DIAPH2: variants seen among roughly 807,000 people sequenced by gnomAD.
DIAPH2 encodes the protein protein diaphanous homolog 2.
DIAPH2 carries 35 observed loss-of-function variants against 92.7 expected under a neutral mutation model. That is an observed-to-expected ratio of 0.38 (90% CI 0.29 to 0.50). The LOEUF (loss-of-function observed/expected upper bound fraction) is 0.50, where lower values mean the gene tolerates loss of function less well. Among genes scored for constraint, DIAPH2 ranks in the 20% least tolerant of loss-of-function variants. The probability of loss-of-function intolerance (pLI) is 0.94; values close to 1 mark genes in which losing one functional copy is unlikely to be tolerated. For synonymous variants in DIAPH2, 301 were observed against 280.4 expected (o/e 1.07, Z -0.73); for missense variants, 701 against 819.5 (o/e 0.86, Z 1.77).
intron 4 of DIAPH2, among the ~76,000 whole-genome samples, chrX:96,863,676 A>G (rs1462944429): frequency 2.7e-5 from 3 of 110,897 alleles, no homozygotes; most frequent in Non-Finnish European, 5.7e-5. Flanking sequence ...CATTAGGTAA[A>G]CATTTTTACC....
chrX:96,823,855 G>A (rs1460948722), intron 4 of DIAPH2, among the ~76,000 whole-genome samples: 2 of 108,756 alleles, frequency 1.8e-5, no homozygotes, highest in Non-Finnish European at 3.8e-5. Flanking sequence ...GTAAGCCACA[G>A]CAATTCTTTT....
rs2065132698 is a variant in DIAPH2, at chrX:96,870,397, G to A, written c.448-11182G>A. On this transcript the variant is annotated intron_variant, in intron 4 of 26. Transcript: ENST00000324765. Reference sequence around the variant, plus strand: ...CTGCCTCAGCCTCCCGAGTAGCTGGGACTACAGACGCCCATCACCATGCCC... The same window carrying A: ...CTGCCTCAGCCTCCCGAGTAGCTGGAACTACAGACGCCCATCACCATGCCC... Among the ~76,000 whole-genome samples, 3 of 108,238 alleles carry A rather than the reference G, an allele frequency of 2.8e-5. No homozygotes were observed. In the South Asian group the frequency reaches 1.2e-3, roughly 45 times the overall value. 94.0% of individuals were successfully genotyped at this position (108,238 alleles called of 115,157 possible). A position where few individuals can be genotyped will look rare whatever the true frequency, so the allele number is the denominator to read the frequency against.
At chrX:97,351,314 C>G (rs1171528313) in intron 24 of DIAPH2, among the ~76,000 whole-genome samples, 1 of 112,419 alleles carries the variant, frequency 8.9e-6, no homozygotes, top group Non-Finnish European at 1.9e-5. Context: ...TTTCCATTAA[C>G]TACTGAAAAC....
At chrX:96,774,435 A>G (rs1252969201) in intron 4 of DIAPH2, among the ~76,000 whole-genome samples, 1 of 111,958 alleles carries the variant, frequency 8.9e-6, no homozygotes, top group Non-Finnish European at 1.9e-5. Flanking sequence ...CCCATGGAAA[A>G]GCTGCTACAT....
intron 26 of DIAPH2, among the ~76,000 whole-genome samples, chrX:97,536,392 T>C (rs2071096089): frequency 8.9e-6 from 1 of 112,108 alleles, no homozygotes; most frequent in African/African-American, 3.2e-5. Flanking sequence ...TGAGTCAGCT[T>C]TTAAATTTTT....
intron 17 of DIAPH2, among the ~76,000 whole-genome samples, chrX:97,043,620 A>T (rs2066461616): frequency 9.0e-6 from 1 of 111,119 alleles, no homozygotes; most frequent in African/African-American, 3.3e-5. Context: ...TAATATTTAT[A>T]AAGTATTTTG....
chrX:96,937,011 C>A (rs1474292642), intron 10 of DIAPH2, among the ~76,000 whole-genome samples: 1 of 111,355 alleles, frequency 9.0e-6, no homozygotes, highest in Non-Finnish European at 1.9e-5. Flanking sequence ...TGTGAATAAT[C>A]AAAATGTAGG....
chrX:97,185,896 G>A (rs775043381), intron 22 of DIAPH2, among the ~76,000 whole-genome samples: 5 of 110,007 alleles, frequency 4.5e-5, no homozygotes, highest in South Asian at 7.8e-4. Context: ...TGAAGTATAG[G>A]TTCCCATCCT....
chrX:96,985,932 A>T (rs760137495), intron 17 of DIAPH2, among the ~76,000 whole-genome samples: 2 of 111,261 alleles, frequency 1.8e-5, no homozygotes, highest in Non-Finnish European at 3.8e-5. Context: ...CAGGCATGAC[A>T]GCATGCTTCT....
chrX:97,131,395 A>G (rs1304764018), intron 21 of DIAPH2, among the ~76,000 whole-genome samples: 2 of 111,675 alleles, frequency 1.8e-5, no homozygotes, highest in Non-Finnish European at 3.8e-5. Context: ...AAAGTTTTTC[A>G]TAAATAGCTA....
chrX:97,367,240 A>C (rs997824265), intron 24 of DIAPH2, among the ~76,000 whole-genome samples: 1 of 111,767 alleles, frequency 8.9e-6, no homozygotes, highest in African/African-American at 3.3e-5. Context: ...GATCATTAGC[A>C]CAATAAGGAA....
intron 21 of DIAPH2, among the ~76,000 whole-genome samples, chrX:97,115,759 A>T (rs952496958): frequency 3.6e-5 from 4 of 111,752 alleles, no homozygotes; most frequent in Non-Finnish European, 7.5e-5. Flanking sequence ...GGTAAAAAAG[A>T]AAATTGAATA....
At chrX:97,209,484 TCTGAATGAA>T (rs1458122681) in intron 22 of DIAPH2, among the ~76,000 whole-genome samples, 1 of 111,536 alleles carries the variant, frequency 9.0e-6, no homozygotes, top group Non-Finnish European at 1.9e-5. Flanking sequence ...TTCCTATGAC[TCTGAATGAA>T]AAATATTTTC....
intron 17 of DIAPH2, among the ~76,000 whole-genome samples, chrX:97,034,104 GAC>G (rs1744175752): frequency 9.7e-6 from 1 of 103,589 alleles, no homozygotes; most frequent in South Asian, 4.2e-4. Flanking sequence ...TTTTTACTGT[GAC>G]ACTGTTTTAT....
At chrX:97,045,635 A>T (rs1446077757) in intron 17 of DIAPH2, among the ~76,000 whole-genome samples, 1 of 110,434 alleles carries the variant, frequency 9.1e-6, no homozygotes, top group Non-Finnish European at 1.9e-5. Flanking sequence ...CATAGAACCA[A>T]AATAAGAAAA....
chrX:96,902,756 C>T (rs977907452), intron 5 of DIAPH2, among the ~76,000 whole-genome samples: 4 of 110,915 alleles, frequency 3.6e-5, no homozygotes, highest in East Asian at 5.6e-4. Flanking sequence ...ATAATCTCCA[C>T]GGTATCTTTC....
chrX:96,899,127 T>C, intron 5 of DIAPH2, among the ~76,000 whole-genome samples: 1 of 110,776 alleles, frequency 9.0e-6, no homozygotes, highest in Non-Finnish European at 1.9e-5. Context: ...TTGGTTACTG[T>C]AGGCTTGTAG....
intron 17 of DIAPH2, among the ~76,000 whole-genome samples, chrX:97,002,301 T>TAC (rs1478910632): frequency 5.4e-5 from 6 of 110,889 alleles, no homozygotes; most frequent in African/African-American, 2.0e-4. Context: ...TATATATATA[T>TAC]ACATATATAT....
At chrX:97,322,804 A>T (rs915934803) in intron 23 of DIAPH2, among the ~76,000 whole-genome samples, 3 of 111,183 alleles carry the variant, frequency 2.7e-5, no homozygotes, top group Non-Finnish European at 5.7e-5. Flanking sequence ...TTGATAGCAA[A>T]AGATCTTTTG....
Sources: allele counts gnomAD v4.1 joint callset (sites outside exome capture counted in the v4.1 genomes callset), GRCh38; gene constraint gnomAD v4.1.1; transcripts MANE v1.5; gene names NCBI Gene and HGNC (gene_info 2026-07-23, HGNC 2026-07-21).